Variants in PRICKLE2 observed in about 807,000 individuals in gnomAD.
The protein encoded by PRICKLE2 is prickle planar cell polarity protein 2.
Under a neutral mutation model 81.4 loss-of-function variants are expected in PRICKLE2, and 21 were observed. The observed-to-expected ratio is 0.26, with a 90% confidence interval of 0.18 to 0.37. PRICKLE2 has a LOEUF of 0.37. Among genes scored for constraint, PRICKLE2 ranks in the 10% least tolerant of loss-of-function variants. The pLI, the probability that PRICKLE2 is intolerant of heterozygous loss-of-function variation, is 1.00. For synonymous variants in PRICKLE2, 456 were observed against 421.5 expected, an observed-to-expected ratio of 1.08 and a Z score of -1.00; for missense variants, 940 against 1,109.0, an observed-to-expected ratio of 0.85 and a Z score of 2.16.
At chr3:64,142,745 C>T (rs544693456) in intron 7 of PRICKLE2, among the ~76,000 whole-genome samples, 17 of 152,204 alleles carry the variant, frequency 1.1e-4, no homozygotes, top group African/African-American at 3.1e-4. Flanking sequence ...AATAAAAAGT[C>T]GCAGGTAACC....
chr3:64,136,018 T>C (rs2077273486), intron 7 of PRICKLE2, among the ~76,000 whole-genome samples: 1 of 152,146 alleles, frequency 6.6e-6, no homozygotes, highest in East Asian at 1.9e-4. Flanking sequence ...TCTTGGCAAG[T>C]ATTACCCTCT....
At chr3:64,197,921 A>T (rs572282128) in intron 2 of PRICKLE2, among the ~76,000 whole-genome samples, 1 of 152,294 alleles carries the variant, frequency 6.6e-6, no homozygotes, top group Middle Eastern at 3.4e-3. Flanking sequence ...TAAAATTTCA[A>T]GGGCTGATGG....
rs551393276 is a variant in PRICKLE2, at chr3:64,195,355, C to T, written c.144+3429G>A. On this transcript the variant is annotated intron_variant, in intron 2 of 7. Coordinates refer to ENST00000638394, the MANE Select transcript of PRICKLE2 (RefSeq NM_198859.4). ...ACTTCCCTAAAAGGGAGGGGACTTT[C>T]GTTTACATTATATTCAATTGAAGGC... is the stretch of plus-strand genomic sequence containing the variant. Among the ~76,000 whole-genome samples the T allele has an allele frequency of 7.2e-5, 11 of 152,216 alleles. No individual in the cohort carries two copies. In the South Asian group the frequency reaches 1.5e-3, roughly 20 times the overall value.
At chr3:64,178,099 G>T (rs956484008) in intron 2 of PRICKLE2, among the ~76,000 whole-genome samples, 1 of 152,118 alleles carries the variant, frequency 6.6e-6, no homozygotes, top group Non-Finnish European at 1.5e-5. Context: ...CATCTTAGTA[G>T]GTCTGAAGCA....
At chr3:64,108,835 A>G (rs1181190068) in intron 7 of PRICKLE2, among the ~76,000 whole-genome samples, 1 of 152,084 alleles carries the variant, frequency 6.6e-6, no homozygotes, top group Non-Finnish European at 1.5e-5. Context: ...CCTCAGTACT[A>G]CTGACATTTC....
At chr3:64,192,376 A>T (rs1021433170) in intron 2 of PRICKLE2, among the ~76,000 whole-genome samples, 9 of 152,208 alleles carry the variant, frequency 5.9e-5, no homozygotes, top group African/African-American at 2.2e-4. Flanking sequence ...TAAATAAATA[A>T]TTATACCAAT....
chr3:64,145,396 CAT>C (rs961489818), intron 7 of PRICKLE2: 2 of 149,302 alleles, frequency 1.3e-5, no homozygotes, highest in African/African-American at 4.9e-5. Flanking sequence ...TATACACACA[CAT>C]ATATGTTTGT....
chr3:64,178,544 C>T (rs1053297018), intron 2 of PRICKLE2, among the ~76,000 whole-genome samples: 2 of 152,176 alleles, frequency 1.3e-5, no homozygotes, highest in Admixed American at 1.3e-4. Context: ...AGTACATTCC[C>T]CCTTTGTGCC....
chr3:64,210,037 C>T (rs2078759852), intron 1 of PRICKLE2, among the ~76,000 whole-genome samples: 3 of 152,064 alleles, frequency 2.0e-5, no homozygotes, highest in Admixed American at 6.6e-5. Context: ...GATATTGTGG[C>T]CTCCCTCCTC....
chr3:64,233,164 A>G (rs1173444909), intron 2 of PRICKLE2, among the ~76,000 whole-genome samples: 2 of 152,162 alleles, frequency 1.3e-5, no homozygotes, highest in Admixed American at 6.5e-5. Context: ...AGGATCTAAT[A>G]TCTTTCCTCC....
intron 2 of PRICKLE2, among the ~76,000 whole-genome samples, chr3:64,193,572 C>T (rs1215432330): frequency 6.6e-6 from 1 of 152,104 alleles, no homozygotes; most frequent in Non-Finnish European, 1.5e-5. Context: ...ACATTTTTGT[C>T]CAAATCAAAG....
At chr3:64,251,906 C>T (rs1445844090) in intron 2 of PRICKLE2, among the ~76,000 whole-genome samples, 1 of 152,220 alleles carries the variant, frequency 6.6e-6, no homozygotes, top group African/African-American at 2.4e-5. Context: ...CTGTTCCAGG[C>T]TTTGGGGACA....
At chr3:64,221,957 A>G (rs2078962796) in intron 1 of PRICKLE2, among the ~76,000 whole-genome samples, 1 of 152,156 alleles carries the variant, frequency 6.6e-6, no homozygotes, top group Non-Finnish European at 1.5e-5. Context: ...TTTTACTTGG[A>G]TTTCCCAAAT....
At chr3:64,175,581 C>T (rs2078009257) in intron 2 of PRICKLE2, among the ~76,000 whole-genome samples, 1 of 152,130 alleles carries the variant, frequency 6.6e-6, no homozygotes, top group Non-Finnish European at 1.5e-5. Context: ...TAACAAAGAT[C>T]AAAGCTTTAA....
intron 2 of PRICKLE2, among the ~76,000 whole-genome samples, chr3:64,167,843 C>T (rs2077860949): frequency 2.0e-5 from 3 of 152,138 alleles, no homozygotes; most frequent in Admixed American, 6.5e-5. Flanking sequence ...TTAGTAGGCC[C>T]GGGATGGGGA....
At chr3:64,156,035 A>G (rs530328338) in intron 5 of PRICKLE2, among the ~76,000 whole-genome samples, 2 of 152,240 alleles carry the variant, frequency 1.3e-5, no homozygotes, top group African/African-American at 4.8e-5. Context: ...ATCTCAATAA[A>G]CAAATTTCAA....
At chr3:64,202,112 A>G (rs2078593050) in intron 1 of PRICKLE2, among the ~76,000 whole-genome samples, 1 of 152,204 alleles carries the variant, frequency 6.6e-6, no homozygotes, top group African/African-American at 2.4e-5. Context: ...TTGTGCCAGT[A>G]CCACACTGTC....
At position 64,093,992 on chromosome 3, in the gene PRICKLE2, A is replaced by T. The variant is rs1208278122; in HGVS notation, c.*5059T>A. 2.6e-5 allele frequency: 4 copies of T among 152,646 alleles called. No homozygotes were observed. Among genetic ancestry groups the T allele is most frequent in the African/African-American group, 9.7e-5 (4 of 41,450 alleles). The allele number at this position is 152,646 out of a possible 1,614,324, so 9.5% of individuals were successfully genotyped here. A position where few individuals can be genotyped will look rare whatever the true frequency, so the allele number is the denominator to read the frequency against. ...CAGAACAGTCTCTGGCAGAGCCCAC[A>T]CCAAAGGCCTGTTGCAGACCTTCTT... On this transcript the variant is annotated 3_prime_UTR_variant, in exon 8 of 8. Coordinates refer to ENST00000638394, the MANE Select transcript of PRICKLE2 (RefSeq NM_198859.4).
intron 7 of PRICKLE2, among the ~76,000 whole-genome samples, chr3:64,140,906 A>C (rs1458596696): frequency 6.6e-6 from 1 of 152,196 alleles, no homozygotes; most frequent in Non-Finnish European, 1.5e-5. Context: ...CCGTTGTGCA[A>C]GTCTTCTGAC....
Sources: gnomAD v4.1 joint callset for allele counts (sites outside exome capture counted in the v4.1 genomes callset) on GRCh38, gnomAD v4.1.1 for gene constraint, MANE v1.5 for transcripts, NCBI Gene and HGNC (gene_info 2026-07-23, HGNC 2026-07-21) for gene names.